The following TRPC7 variants were observed in gnomAD, a reference collection of about 807,000 sequenced individuals.
The protein encoded by TRPC7 is transient receptor potential cation channel subfamily C member 7, also known as short transient receptor potential channel 7.
TRPC7 carries 42 observed loss-of-function variants against 90.1 expected under a neutral mutation model. The ratio of observed to expected loss-of-function variants is 0.47; its 90% confidence interval spans 0.36 to 0.60. The LOEUF (loss-of-function observed/expected upper bound fraction) is 0.60, where lower values mean the gene tolerates loss of function less well. Among genes scored for constraint, TRPC7 ranks in the 20% least tolerant of loss-of-function variants. The probability of loss-of-function intolerance (pLI) is 0.00; values close to 1 mark genes in which losing one functional copy is unlikely to be tolerated. For missense variants in TRPC7, 955 were observed against 1,112.3 expected (o/e 0.86, Z 2.01); for synonymous variants, 451 against 436.3 (o/e 1.03, Z -0.42).
At chr5:136,216,463 C>A (rs889585779) in intron 10 of TRPC7, among the ~76,000 whole-genome samples, 188 bp from the exon 11 acceptor site, 1 of 152,172 alleles carries the variant, frequency 6.6e-6, no homozygotes, top group Admixed American at 6.5e-5. Flanking sequence ...TGTTTCGCCT[C>A]CCCCGCAGGA....
At position 136,326,687 on chromosome 5, in the gene TRPC7, C is replaced by G. The variant is rs890979230; in HGVS notation, c.781-10908G>C. 3.3e-5 allele frequency among the ~76,000 whole-genome samples: 5 copies of G among 151,986 alleles called. No individual in the cohort carries two copies. In the South Asian group the frequency reaches 1.0e-3, roughly 32 times the overall value. ...GTCAGTTAATGTGGTTGTTTTTTTT[C>G]CTAACCACATTCACCTTCCTGGGTG... is the stretch of plus-strand genomic sequence containing the variant. On this transcript the variant is annotated intron_variant, in intron 2 of 11. Coordinates refer to ENST00000513104, the MANE Select transcript of TRPC7 (RefSeq NM_020389.3).
chr5:136,301,425 G>A (rs1322852978), intron 3 of TRPC7, among the ~76,000 whole-genome samples: 7 of 138,854 alleles, frequency 5.0e-5, no homozygotes, highest in East Asian at 4.3e-4. Flanking sequence ...TGACTTGTAC[G>A]TATACATCCA....
intron 3 of TRPC7, among the ~76,000 whole-genome samples, chr5:136,304,738 A>C (rs1452493371): frequency 1.3e-5 from 2 of 152,082 alleles, no homozygotes; most frequent in Non-Finnish European, 2.9e-5. Flanking sequence ...TCTGTTACCT[A>C]TCTCGGCATA....
chr5:136,313,785 A>T (rs1268056415), intron 3 of TRPC7, among the ~76,000 whole-genome samples: 1 of 152,142 alleles, frequency 6.6e-6, no homozygotes, highest in South Asian at 2.1e-4. Flanking sequence ...ATTTCCTGAG[A>T]CCTTATGACT....
At chr5:136,216,433 G>A (rs1372762791) in intron 10 of TRPC7, among the ~76,000 whole-genome samples, 158 bp from the exon 11 acceptor site, 2 of 152,204 alleles carry the variant, frequency 1.3e-5, no homozygotes, top group African/African-American at 2.4e-5. Flanking sequence ...CCTGCACAGT[G>A]CGGGTACCTG....
chr5:136,364,911 A>G (rs1760675287), intron 1 of TRPC7, among the ~76,000 whole-genome samples: 1 of 152,180 alleles, frequency 6.6e-6, no homozygotes, highest in South Asian at 2.1e-4. Flanking sequence ...ATACAACCAC[A>G]TAAATACATT....
chr5:136,286,601 A>C (rs1403797068), intron 3 of TRPC7, among the ~76,000 whole-genome samples: 1 of 152,214 alleles, frequency 6.6e-6, no homozygotes, highest in Non-Finnish European at 1.5e-5. Context: ...GTAGCTGAAC[A>C]AATGATGTTA....
intron 2 of TRPC7, among the ~76,000 whole-genome samples, chr5:136,336,465 T>G (rs1759667249): frequency 6.6e-6 from 1 of 152,120 alleles, no homozygotes; most frequent in Non-Finnish European, 1.5e-5. Flanking sequence ...TATGAAAATG[T>G]TTTGTAGAAA....
chr5:136,311,335 T>G (rs1249963620), intron 3 of TRPC7, among the ~76,000 whole-genome samples: 2 of 152,144 alleles, frequency 1.3e-5, no homozygotes, highest in Non-Finnish European at 2.9e-5. Context: ...AGAGTGTGTC[T>G]TCTGTTAGAC....
intron 4 of TRPC7, among the ~76,000 whole-genome samples, chr5:136,271,051 C>T (rs920042449): frequency 3.9e-5 from 6 of 152,150 alleles, no homozygotes; most frequent in African/African-American, 1.4e-4. Context: ...CCCTTTCAAG[C>T]CATTTCAGCT....
At chr5:136,226,864 T>A (rs1330247123) in intron 8 of TRPC7, among the ~76,000 whole-genome samples, 2 of 152,262 alleles carry the variant, frequency 1.3e-5, no homozygotes, top group Non-Finnish European at 2.9e-5. Flanking sequence ...ACCGTATTGT[T>A]TTCATACTAG....
intron 2 of TRPC7, among the ~76,000 whole-genome samples, chr5:136,333,590 TCA>T (rs914650383): frequency 6.6e-6 from 1 of 152,238 alleles, no homozygotes; most frequent in African/African-American, 2.4e-5. Context: ...GAGGACAGCT[TCA>T]GTGTTTCAGA....
chr5:136,215,535 A>G (rs1755236964), intron 11 of TRPC7, among the ~76,000 whole-genome samples: 1 of 152,144 alleles, frequency 6.6e-6, no homozygotes. Context: ...TTAAAAGTGG[A>G]GGAGGGGCCG....
chr5:136,269,958 G>T (rs181507680), intron 4 of TRPC7, among the ~76,000 whole-genome samples: 1 of 152,292 alleles, frequency 6.6e-6, no homozygotes, highest in East Asian at 1.9e-4. Flanking sequence ...ACTTTGTCCT[G>T]GGGGCTGAAG....
At chr5:136,287,229 G>T (rs1444444204) in intron 3 of TRPC7, among the ~76,000 whole-genome samples, 12 of 152,072 alleles carry the variant, frequency 7.9e-5, no homozygotes, top group Non-Finnish European at 1.8e-4. Flanking sequence ...TCTTTAGGAG[G>T]TGGCCAGGAG....
chr5:136,281,391 CTT>C (rs1757546699), intron 3 of TRPC7, among the ~76,000 whole-genome samples: 1 of 152,180 alleles, frequency 6.6e-6, no homozygotes, highest in Admixed American at 6.5e-5. Context: ...CAAACTCAGA[CTT>C]ATAGCCTTGA....
intron 3 of TRPC7, among the ~76,000 whole-genome samples, chr5:136,284,803 G>A (rs1361282238): frequency 6.6e-6 from 1 of 152,196 alleles, no homozygotes; most frequent in Non-Finnish European, 1.5e-5. Context: ...CACTGAGAGA[G>A]TCAGGAAAAG....
intron 2 of TRPC7, among the ~76,000 whole-genome samples, chr5:136,318,835 T>C (rs1759106779): frequency 6.6e-6 from 1 of 152,142 alleles, no homozygotes; most frequent in Non-Finnish European, 1.5e-5. Context: ...GTACCTCCTT[T>C]TCACTGTTGT....
intron 2 of TRPC7, among the ~76,000 whole-genome samples, chr5:136,319,513 T>A (rs1759127470): frequency 6.6e-6 from 1 of 152,184 alleles, no homozygotes; most frequent in African/African-American, 2.4e-5. Context: ...CAATGACTAC[T>A]CTAATTTTCT....
Sources: gnomAD v4.1 joint callset for allele counts (sites outside exome capture counted in the v4.1 genomes callset) on GRCh38, gnomAD v4.1.1 for gene constraint, MANE v1.5 for transcripts, NCBI Gene and HGNC (gene_info 2026-07-23, HGNC 2026-07-21) for gene names.